The following TOP2B variants were observed in gnomAD, a reference collection of about 807,000 sequenced individuals.
TOP2B encodes DNA topoisomerase 2-beta.
In TOP2B, 51 loss-of-function variants were observed where a neutral mutation model predicts 193.5. The ratio of observed to expected loss-of-function variants is 0.26; its 90% CI spans 0.21 to 0.33. The LOEUF (loss-of-function observed/expected upper bound fraction) is 0.33. TOP2B is among the 10% of genes least tolerant of loss of function. The pLI, the probability that TOP2B is intolerant of heterozygous loss-of-function variation, is 1.00. For synonymous variants in TOP2B, 634 were observed against 635.7 expected, an observed-to-expected ratio of 1.00 and a Z score of 0.04; for missense variants, 1,378 against 1,909.3, an observed-to-expected ratio of 0.72 and a Z score of 5.19.
Position 25,607,328 on chromosome 3 carries a change from C to T in TOP2B, c.4141G>A (p.Asp1381Asn), listed in dbSNP as rs1029237923. ...TTGTCATCATCATCATCATCAGCAT[C>T]ATCATCCTCTTCTTCTGAGAAATCA... ...TFDFSEEEDD[D>N]ADDDDDDNND... The change falls in exon 31 of 36, where the codon GAT becomes AAT. Residue 1381 changes from aspartate (D) to asparagine (N), a missense_variant. By Grantham distance (23) the Asp-to-Asn change is conservative. Around this residue, in one of 9 missense-constraint regions of TOP2B, gnomAD observed 556 missense variants for 584.2 expected, o/e 0.95. Transcript: ENST00000264331. 1.9e-6 allele frequency: 3 copies of T among 1,552,456 alleles called. No homozygotes were observed. Among genetic ancestry groups the T allele is most frequent in the East Asian group, 4.9e-5 (2 of 41,000 alleles).
chr3:25,611,094 T>G (rs942232792), intron 28 of TOP2B, among the ~76,000 whole-genome samples: 4 of 152,142 alleles, frequency 2.6e-5, no homozygotes, highest in Non-Finnish European at 5.9e-5. Context: ...AGCATTCAAG[T>G]GGCTATGAGC....
intron 32 of TOP2B, 150 bp downstream of exon 32, chr3:25,605,893 C>A: frequency 2.3e-6 from 1 of 434,454 alleles, no homozygotes; most frequent in East Asian, 3.7e-5. Context: ...AGTAAAGAAG[C>A]CTTATTATCT....
intron 7 of TOP2B, among the ~76,000 whole-genome samples, chr3:25,635,016 C>T (rs1441246291): frequency 3.3e-5 from 5 of 152,016 alleles, no homozygotes; most frequent in African/African-American, 4.8e-5. Context: ...GAACATCTCC[C>T]CCAAAATCTA....
At chr3:25,620,912 G>C (rs951954452) in intron 21 of TOP2B, 96 bp from the exon 22 acceptor site, 24 of 1,310,008 alleles carry the variant, frequency 1.8e-5, no homozygotes, top group Non-Finnish European at 2.4e-5. Context: ...AACTGAAACA[G>C]AATTTCTCAT....
At chr3:25,607,872 C>G (rs1477244237) in intron 30 of TOP2B, among the ~76,000 whole-genome samples, 1 of 152,190 alleles carries the variant, frequency 6.6e-6, no homozygotes, top group Non-Finnish European at 1.5e-5. Flanking sequence ...GCCTCAAACT[C>G]CTGGGCTCAA....
In TOP2B at chr3:25,664,259, C is replaced by A; in HGVS notation, c.39G>T (p.Val13=). 1 of 1,537,370 alleles carries A rather than the reference C, an allele frequency of 6.5e-7. No homozygotes were observed. Among genetic ancestry groups the A allele is most frequent in the Non-Finnish European group, 8.7e-7 (1 of 1,145,810 alleles). Residue 13 remains valine, a synonymous_variant, in exon 1 of 36, where the codon GTG becomes GTT. Transcript: ENST00000264331. ...AGGTCAGTGCCCCGTTGCCGCCGCC[C>A]ACGCCGGCTCCCGCGCCGCAGCCAC... ...KSGGCGAGAG[V]GGGNGALTWV...
At position 25,626,607 on chromosome 3, in the gene TOP2B, A is replaced by T; in HGVS notation, c.2177T>A (p.Leu726His). The T allele has an allele frequency of 6.5e-7, 1 of 1,537,328 alleles. No homozygotes were observed. ...TCTTTCATTGTCTGAGTTTGAGAAGAGAATCAATTCCTTGTTGATGAAATC... is the reference window on the plus strand; with the variant it reads ...TCTTTCATTGTCTGAGTTTGAGAAGTGAATCAATTCCTTGTTGATGAAATC... ...YNDFINKELI[L>H]FSNSDNERSI... Residue 726 changes from leucine to histidine, a missense_variant, in exon 18 of 36, where the codon CTC (leucine) becomes CAC (histidine). Around this residue, in one of 9 missense-constraint regions of TOP2B, gnomAD observed 379 missense variants for 615.1 expected, o/e 0.62. Transcript: ENST00000264331.
At chr3:25,621,840 T>G (rs2125366679) in intron 21 of TOP2B, among the ~76,000 whole-genome samples, 1 of 151,978 alleles carries the variant, frequency 6.6e-6, no homozygotes, top group African/African-American at 2.4e-5. Context: ...AATACAAAAA[T>G]TAGACAGGCA....
At chr3:25,656,042 T>C (rs932147075) in intron 1 of TOP2B, among the ~76,000 whole-genome samples, 2 of 152,142 alleles carry the variant, frequency 1.3e-5, no homozygotes, top group Non-Finnish European at 2.9e-5. Context: ...ACAAAAAAAA[T>C]TGAACATGTG....
At position 25,615,472 on chromosome 3, in the gene TOP2B, T is replaced by C; in HGVS notation, c.3466A>G (p.Lys1156Glu). 6.4e-7 allele frequency: 1 copy of C among 1,566,880 alleles called. No homozygotes were observed. Among genetic ancestry groups the C allele is most frequent in the Non-Finnish European group, 8.6e-7 (1 of 1,158,940 alleles). ...TTAATCAGTTCTTCAACTTTTTCTTTAGTAAGAGACCACAGAGACATATTT... is the reference window on the plus strand; with the variant it reads ...TTAATCAGTTCTTCAACTTTTTCTTCAGTAAGAGACCACAGAGACATATTT... ...ILNMSLWSLT[K>E]EKVEELIKQR... The change falls in exon 26 of 36, where the codon AAA (lysine) becomes GAA (glutamate). Residue 1156 changes from lysine to glutamate, a missense_variant. Coordinates refer to ENST00000264331, the MANE Select transcript of TOP2B (RefSeq NM_001330700.2).
At position 25,608,762 on chromosome 3, in the gene TOP2B, C is replaced by T. The variant is rs373422005; in HGVS notation, c.4093+421G>A. On this transcript the variant is annotated intron_variant, in intron 30 of 35. Coordinates refer to ENST00000264331, the MANE Select transcript of TOP2B (RefSeq NM_001330700.2). ...AAAATGGGATTCTGCAGTTCACCCG[C>T]ACAACTATCATTATCTAAAAGAGAG... Among the ~76,000 whole-genome samples, 6 of 152,166 alleles carry T rather than the reference C, an allele frequency of 3.9e-5. No individual in the cohort carries two copies. The East Asian group carries it at 7.7e-4, about 20-fold the overall frequency.
intron 33 of TOP2B, 125 bp from the exon 34 acceptor site, chr3:25,601,350 G>T (rs2125341204): frequency 8.5e-7 from 1 of 1,181,976 alleles, no homozygotes; most frequent in Non-Finnish European, 1.2e-6. Flanking sequence ...GGGCGTGGTG[G>T]CTCACACCTG....
At chr3:25,620,546 C>T in intron 22 of TOP2B, 136 bp downstream of exon 22, 1 of 854,072 alleles carries the variant, frequency 1.2e-6, no homozygotes, top group Non-Finnish European at 1.7e-6. Flanking sequence ...ACAAATTCAA[C>T]TGAAGGGTAA....
chr3:25,599,289 A>T, intron 35 of TOP2B, 146 bp downstream of exon 35: 1 of 665,236 alleles, frequency 1.5e-6, no homozygotes, highest in Non-Finnish European at 2.5e-6. Context: ...ATACTTGAAT[A>T]ATTTCTTAAC....
chr3:25,624,209 C>T, intron 20 of TOP2B, 88 bp downstream of exon 20: 2 of 1,433,596 alleles, frequency 1.4e-6, no homozygotes, highest in Non-Finnish European at 1.9e-6. Flanking sequence ...ATAATCACAT[C>T]TCTCCACAGC....
rs530627462 is a variant in TOP2B at position 25,624,370 on chromosome 3, T to C, written c.2422A>G (p.Ile808Val). ...GSNNINLLQPIGQFGTRLHGG... is the reference protein window; with the variant it reads ...GSNNINLLQPVGQFGTRLHGG... ...TGAAGCCGAGTTCCAAACTGACCAA[T>C]AGGCTGAAGCAAGTTAATGTTGTTA... The change falls in exon 20 of 36, where the codon ATT becomes GTT. Residue 808 changes from isoleucine (I) to valine (V), a missense_variant. This residue lies in a region of TOP2B where 379 missense variants were observed against 615.1 expected (regional missense o/e 0.62). Coordinates refer to ENST00000264331, the MANE Select transcript of TOP2B (RefSeq NM_001330700.2). 1.2e-4 allele frequency: 193 copies of C among 1,613,920 alleles called. No homozygotes were observed. Among genetic ancestry groups the C allele is most frequent in the Non-Finnish European group, 1.5e-4 (179 of 1,179,846 alleles).
chr3:25,602,354 G>A (rs1194518292), intron 33 of TOP2B, among the ~76,000 whole-genome samples: 5 of 133,926 alleles, frequency 3.7e-5, no homozygotes, highest in Non-Finnish European at 6.0e-5. Context: ...CCAAGATCAC[G>A]CTACTCCACT....
intron 7 of TOP2B, 58 bp downstream of exon 7, chr3:25,635,878 C>T (rs765750045): frequency 1.4e-6 from 2 of 1,452,658 alleles, no homozygotes; most frequent in Non-Finnish European, 1.9e-6. Context: ...AAGGAAGACC[C>T]AACAATATTC....
At chr3:25,664,139 T>C in intron 1 of TOP2B, 90 bp downstream of exon 1, 2 of 1,482,898 alleles carry the variant, frequency 1.3e-6, no homozygotes, top group Non-Finnish European at 1.8e-6. Flanking sequence ...GGGATTTCCC[T>C]CCCTTTCCCC....
Sources: allele counts gnomAD v4.1 joint callset (sites outside exome capture counted in the v4.1 genomes callset), GRCh38; gene constraint gnomAD v4.1.1; regional missense constraint gnomAD v4.1.1; transcripts MANE v1.5; gene names NCBI Gene and HGNC (gene_info 2026-07-23, HGNC 2026-07-21).